MAPKBP1: variants seen among roughly 807,000 people sequenced by gnomAD.
MAPKBP1 encodes mitogen-activated protein kinase-binding protein 1.
A neutral mutation model predicts 170.5 loss-of-function variants in MAPKBP1; 71 were observed. The ratio of observed to expected loss-of-function variants is 0.42; its 90% confidence interval spans 0.34 to 0.51. MAPKBP1 has a LOEUF of 0.51. Ranked by LOEUF, MAPKBP1 falls within the 20% of genes least tolerant of loss-of-function variation. The pLI, the probability that MAPKBP1 is intolerant of heterozygous loss-of-function variation, is 0.06. For synonymous variants in MAPKBP1, 719 were observed against 757.9 expected (o/e 0.95, Z 0.84); for missense variants, 1,598 against 1,933.0 (o/e 0.83, Z 3.25).
intron 2 of MAPKBP1, among the ~76,000 whole-genome samples, chr15:41,783,772 G>A (rs1329488426): frequency 1.3e-5 from 2 of 152,212 alleles, no homozygotes; most frequent in Non-Finnish European, 2.9e-5. Context: ...CACTTTGGGA[G>A]GCCGAGGCGG....
chr15:41,807,226 C>A (rs900919175), intron 3 of MAPKBP1, among the ~76,000 whole-genome samples: 13 of 152,128 alleles, frequency 8.5e-5, no homozygotes, highest in African/African-American at 3.1e-4. Context: ...TTCCTACACA[C>A]ACACACATGC....
At chr15:41,811,118 A>AG in intron 4 of MAPKBP1, 60 bp from the exon 5 acceptor site, 3 of 1,594,186 alleles carry the variant, frequency 1.9e-6, no homozygotes, top group Non-Finnish European at 2.6e-6. Flanking sequence ...AGAGGCTGGG[A>AG]GGGGGCTAGG....
intron 2 of MAPKBP1, among the ~76,000 whole-genome samples, chr15:41,781,405 T>TG (rs1167968585): frequency 1.4e-5 from 2 of 145,306 alleles, no homozygotes. Flanking sequence ...TTTTGTTTTT[T>TG]TTTTTTTCTT....
rs915810844 is a variant in MAPKBP1 at position 41,824,171 on chromosome 15, T to G, written c.4213+110T>G. ...CTGTGGGTACAGCTTCTGGTGTTTCTTGTCCTGTCTGCTCCTGTCGCAGGT... is the reference window on the plus strand; with the variant it reads ...CTGTGGGTACAGCTTCTGGTGTTTCGTGTCCTGTCTGCTCCTGTCGCAGGT... On this transcript the variant is annotated intron_variant, in intron 29 of 30. Coordinates refer to ENST00000457542, the MANE Select transcript of MAPKBP1 (RefSeq NM_014994.3). The G allele has an allele frequency of 5.6e-6, 8 of 1,418,562 alleles. No individual in the cohort carries two copies. In the South Asian group the frequency reaches 8.2e-5, roughly 15 times the overall value. The allele number at this position is 1,418,562 out of a possible 1,614,324, so 87.9% of individuals were successfully genotyped here. A position where few individuals can be genotyped will look rare whatever the true frequency, so the allele number is the denominator to read the frequency against.
chr15:41,812,184 G>A (rs1177545139), intron 6 of MAPKBP1, 57 bp downstream of exon 6: 29 of 1,599,344 alleles, frequency 1.8e-5, no homozygotes, highest in Non-Finnish European at 2.5e-5. Flanking sequence ...GTCAGCTGGG[G>A]AGGCAAGAGA....
At chr15:41,786,027 A>G (rs1942475169) in intron 2 of MAPKBP1, among the ~76,000 whole-genome samples, 1 of 152,210 alleles carries the variant, frequency 6.6e-6, no homozygotes, top group Admixed American at 6.5e-5. Context: ...ATAAGATGAA[A>G]TTCCTTGTAC....
intron 26 of MAPKBP1, 73 bp from the exon 27 acceptor site, chr15:41,822,520 G>C (rs867893439): frequency 6.2e-7 from 1 of 1,605,244 alleles, no homozygotes; most frequent in Non-Finnish European, 8.5e-7. Context: ...TGTGGCTGGG[G>C]GTCTCAAGGA....
chr15:41,813,821 A>G (rs1567149709), intron 9 of MAPKBP1, 40 bp downstream of exon 9: 2 of 1,535,628 alleles, frequency 1.3e-6, no homozygotes, highest in South Asian at 2.6e-5. Context: ...TTGTAGCCTT[A>G]CCCCTGCCCA....
rs767592033 is a variant in MAPKBP1 at position 41,823,932 on chromosome 15, C to A, written c.4084C>A (p.Pro1362Thr). Residue 1362 changes from proline to threonine, a missense_variant, in exon 29 of 31, where the codon CCC becomes ACC. Transcript: ENST00000457542. ...CCAGGCTCATCCTGGGCCCAGCAGC[C>A]CCTGTGCCCAGCAACTGCCAGTCAG... ...ECQAHPGPSS[P>T]CAQQLPVSSL... is the part of the protein sequence containing the mutation. 1 of 1,614,024 alleles carries A rather than the reference C, an allele frequency of 6.2e-7. No homozygotes were observed. The highest frequency in any genetic ancestry group is 8.5e-7 in the Non-Finnish European group (1 of 1,180,016).
At chr15:41,792,192 G>C (rs143429675) in intron 2 of MAPKBP1, among the ~76,000 whole-genome samples, 2 of 151,350 alleles carry the variant, frequency 1.3e-5, no homozygotes, top group African/African-American at 2.4e-5. Context: ...ACTTAAACAC[G>C]TGGCTTTATT....
At chr15:41,820,491 C>G (rs1404041506) in intron 22 of MAPKBP1, among the ~76,000 whole-genome samples, 1 of 152,076 alleles carries the variant, frequency 6.6e-6, no homozygotes, top group African/African-American at 2.4e-5. Flanking sequence ...TTTAGAGACC[C>G]CCAGCTCTGA....
In MAPKBP1 at chr15:41,817,345, G is replaced by C; in HGVS notation, c.1712-43G>C. The stretch of plus-strand genomic sequence containing the variant: ...AAGGTGGGAGGCAGGCTGCTCCCAT[G>C]TGGTGAGAACAGTGGGAACAGCTGG... On this transcript the variant is annotated intron_variant, in intron 14 of 30. Transcript: ENST00000457542. The surrounding 1 kb of genome is among the most constrained non-coding windows in gnomAD (Gnocchi z 4.2). 4 of 1,586,926 alleles carry C rather than the reference G, an allele frequency of 2.5e-6. No homozygotes were observed. The highest frequency in any genetic ancestry group is 3.5e-6 in the Non-Finnish European group (4 of 1,155,154).
intron 2 of MAPKBP1, among the ~76,000 whole-genome samples, chr15:41,782,525 T>C (rs957505583): frequency 6.6e-6 from 1 of 152,154 alleles, no homozygotes. Flanking sequence ...ATAAATACTA[T>C]TACCACCCCA....
chr15:41,781,926 A>G (rs1239201889), intron 2 of MAPKBP1, among the ~76,000 whole-genome samples: 3 of 151,966 alleles, frequency 2.0e-5, no homozygotes, highest in Non-Finnish European at 4.4e-5. Context: ...TACAGATGCT[A>G]GCACTTAAGA....
intron 10 of MAPKBP1, among the ~76,000 whole-genome samples, 198 bp downstream of exon 10, chr15:41,814,937 C>T (rs2064864675): frequency 6.6e-6 from 1 of 152,180 alleles, no homozygotes; most frequent in African/African-American, 2.4e-5. Flanking sequence ...CTTAGTTTTG[C>T]CTCGGTCATC....
At position 41,817,824 on chromosome 15, in the gene MAPKBP1, C is replaced by T. The variant is rs749382303; in HGVS notation, c.1904+89C>T. ...CAGCTAAGTTCCCACATCTGTCGTT[C>T]TGTACAGGACTTTGTACCCCCTTGA... is the stretch of plus-strand genomic sequence containing the variant. On this transcript the variant is annotated intron_variant, in intron 16 of 30. Coordinates refer to ENST00000457542, the MANE Select transcript of MAPKBP1 (RefSeq NM_014994.3). The surrounding 1 kb of genome is among the most constrained non-coding windows in gnomAD (Gnocchi z 4.2). 7 of 1,583,830 alleles carry T rather than the reference C, an allele frequency of 4.4e-6. No homozygotes were observed. The highest frequency in any genetic ancestry group is 2.3e-5 in the East Asian group (1 of 44,236).
chr15:41,817,380 C>T lies in MAPKBP1; in HGVS notation c.1712-8C>T. On this transcript the variant is annotated splice_polypyrimidine_tract_variant and splice_region_variant and intron_variant, in intron 14 of 30. Transcript: ENST00000457542. This position sits in a 1 kb window ranked among gnomAD's most constrained non-coding sequence, Gnocchi z 4.2. The stretch of plus-strand genomic sequence containing the variant: ...CAGTGGGAACAGCTGGGCTTCCCTC[C>T]TTCATAGCCAGTGATGGGCAAGTCC... 1.2e-6 allele frequency: 2 copies of T among 1,613,896 alleles called. No individual in the cohort carries two copies. The highest frequency in any genetic ancestry group is 8.5e-7 in the Non-Finnish European group (1 of 1,179,856).
At chr15:41,786,105 G>T (rs2064282036) in intron 2 of MAPKBP1, among the ~76,000 whole-genome samples, 1 of 151,956 alleles carries the variant, frequency 6.6e-6, no homozygotes, top group African/African-American at 2.4e-5. Context: ...TCTTGAATGG[G>T]GGAAAAAAGC....
chr15:41,793,740 C>G (rs1464640686), intron 2 of MAPKBP1, among the ~76,000 whole-genome samples: 1 of 152,148 alleles, frequency 6.6e-6, no homozygotes, highest in Non-Finnish European at 1.5e-5. Flanking sequence ...CTGGCTTAAG[C>G]AACAGTTTAT....
Sources: gnomAD v4.1 joint callset for allele counts (sites outside exome capture counted in the v4.1 genomes callset) on GRCh38, gnomAD v4.1.1 for gene constraint, Gnocchi (gnomAD v3.1) non-coding constraint, MANE v1.5 for transcripts, NCBI Gene and HGNC (gene_info 2026-07-23, HGNC 2026-07-21) for gene names.